The following IQGAP2 variants were observed in gnomAD, a reference collection of about 807,000 sequenced individuals.
IQGAP2 encodes ras GTPase-activating-like protein IQGAP2.
Under a neutral mutation model 201.3 loss-of-function variants are expected in IQGAP2, and 173 were observed. The observed-to-expected ratio is 0.86, with a 90% CI of 0.76 to 0.98. IQGAP2 has a LOEUF of 0.98. Among genes scored for constraint, IQGAP2 ranks in the 50% least tolerant of loss-of-function variants. The pLI, the probability that IQGAP2 is intolerant of heterozygous loss-of-function variation, is 0.00. For missense variants in IQGAP2, 1,687 were observed against 1,864.8 expected (o/e 0.90, Z 1.76); for synonymous variants, 675 against 673.9 (o/e 1.00, Z -0.03).
intron 18 of IQGAP2, 100 bp downstream of exon 18, chr5:76,652,933 GA>G (rs2150431123): frequency 1.3e-6 from 1 of 765,344 alleles, no homozygotes; most frequent in South Asian, 1.6e-5. Context: ...GGGTACATGT[GA>G]GCCTTGAAGT....
At chr5:76,429,632 ATATACATATATG>A in intron 1 of IQGAP2, among the ~76,000 whole-genome samples, 2 of 146,228 alleles carry the variant, frequency 1.4e-5, no homozygotes, top group South Asian at 2.1e-4. Flanking sequence ...AAATTTATAT[ATATACATATATG>A]TATATATATA....
chr5:76,573,777 A>ATTTT (rs59411410), intron 4 of IQGAP2, among the ~76,000 whole-genome samples: 2 of 126,154 alleles, frequency 1.6e-5, no homozygotes, highest in Non-Finnish European at 3.4e-5. Flanking sequence ...ATGCCCAGCT[A>ATTTT]TTTTTTTTTT....
Position 76,652,949 on chromosome 5 carries a change from A to G in IQGAP2, c.2178+116A>G, listed in dbSNP as rs1460674945. 6 of 693,644 alleles carry G rather than the reference A, an allele frequency of 8.6e-6. No homozygotes were observed. In the Admixed American group the frequency reaches 9.8e-5, roughly 11 times the overall value. 43.0% of individuals were successfully genotyped at this position (693,644 alleles called of 1,614,324 possible). On this transcript the variant is annotated intron_variant, in intron 18 of 35. Coordinates refer to ENST00000274364, the MANE Select transcript of IQGAP2 (RefSeq NM_006633.5). ...GGTACATGTGAGCCTTGAAGTCAGAAGGCAGTACTGGATTTGAATCCCAGT... is the reference window on the plus strand; with the variant it reads ...GGTACATGTGAGCCTTGAAGTCAGAGGGCAGTACTGGATTTGAATCCCAGT...
intron 32 of IQGAP2, 26 bp from the exon 33 acceptor site, chr5:76,697,961 A>G: frequency 1.3e-6 from 2 of 1,584,232 alleles, no homozygotes; most frequent in Non-Finnish European, 1.7e-6. Context: ...CTGCTTAAAT[A>G]TGATACCCCT....
intron 33 of IQGAP2, among the ~76,000 whole-genome samples, chr5:76,700,043 C>T (rs1383072534): frequency 6.6e-6 from 1 of 151,350 alleles, no homozygotes; most frequent in Non-Finnish European, 1.5e-5. Flanking sequence ...CTTATAATTA[C>T]ATAAACATAT....
At chr5:76,555,770 T>A (rs993987802) in intron 2 of IQGAP2, among the ~76,000 whole-genome samples, 1 of 152,056 alleles carries the variant, frequency 6.6e-6, no homozygotes, top group African/African-American at 2.4e-5. Flanking sequence ...AGGGACCCTG[T>A]CTGATGGAAG....
intron 11 of IQGAP2, 50 bp from the exon 12 acceptor site, chr5:76,606,129 C>A: frequency 6.7e-7 from 1 of 1,502,744 alleles, no homozygotes; most frequent in African/African-American, 1.4e-5. Context: ...ACAACAGGAA[C>A]GAAGAATGAA....
At chr5:76,443,581 T>C (rs762145900) in intron 1 of IQGAP2, among the ~76,000 whole-genome samples, 14 of 152,002 alleles carry the variant, frequency 9.2e-5, no homozygotes, top group Non-Finnish European at 1.8e-4. Context: ...ACCCAATCCT[T>C]GGGCAGGTTT....
chr5:76,587,779 T>TA (rs1047540896), intron 5 of IQGAP2, among the ~76,000 whole-genome samples: 13 of 149,926 alleles, frequency 8.7e-5, no homozygotes, highest in South Asian at 2.1e-4. Context: ...CCGTCTCTAC[T>TA]AAAAAAAAAT....
chr5:76,622,427 T>G (rs1278420151), intron 13 of IQGAP2, among the ~76,000 whole-genome samples: 1 of 152,218 alleles, frequency 6.6e-6, no homozygotes, highest in Non-Finnish European at 1.5e-5. Context: ...TTTCTGTTTT[T>G]GTTTCCCTTG....
rs34896356 is a variant in IQGAP2, at chr5:76,681,089, CAAAAAAAAAAAAA to C, written c.3661-2011_3661-1999del. On this transcript the variant is annotated intron_variant, in intron 28 of 35. Coordinates refer to ENST00000274364, the MANE Select transcript of IQGAP2 (RefSeq NM_006633.5). ...TGGGCAGCAGAGCGAGACTTTGTCT[CAAAAAAAAAAAAA>C]AAAAAAAAAAAAAACTTGAGAAAAC... is the stretch of plus-strand genomic sequence containing the variant. Among the ~76,000 whole-genome samples, 468 of 53,080 alleles carry C rather than the reference CAAAAAAAAAAAAA, an allele frequency of 8.8e-3. 4 individuals carry two copies. The highest frequency in any genetic ancestry group is 0.035 in the African/African-American group (437 of 12,390). 34.8% of individuals were successfully genotyped at this position (53,080 alleles called of 152,430 possible).
intron 2 of IQGAP2, among the ~76,000 whole-genome samples, chr5:76,524,101 TAGG>T (rs1460886993): frequency 6.6e-6 from 1 of 152,170 alleles, no homozygotes; most frequent in Non-Finnish European, 1.5e-5. Context: ...CACTCTCTGT[TAGG>T]AGAAGGCCCC....
chr5:76,482,694 C>A (rs1161416707), intron 2 of IQGAP2, among the ~76,000 whole-genome samples: 1 of 152,208 alleles, frequency 6.6e-6, no homozygotes, highest in South Asian at 2.1e-4. Flanking sequence ...TTGTGTACAG[C>A]TGCAGAAACA....
intron 2 of IQGAP2, among the ~76,000 whole-genome samples, chr5:76,526,229 C>A (rs1470793600): frequency 6.6e-6 from 1 of 152,172 alleles, no homozygotes; most frequent in Admixed American, 6.5e-5. Context: ...GAAGATCATG[C>A]CTAGCCTCAC....
intron 18 of IQGAP2, 76 bp downstream of exon 18, chr5:76,652,909 G>A (rs1752632763): frequency 3.1e-6 from 3 of 960,140 alleles, no homozygotes; most frequent in Non-Finnish European, 5.1e-6. Flanking sequence ...CTGAAAGACA[G>A]CTATAGAAAG....
chr5:76,503,900 ACTTTTC>A (rs1394095305), intron 2 of IQGAP2, among the ~76,000 whole-genome samples: 1 of 152,132 alleles, frequency 6.6e-6, no homozygotes, highest in East Asian at 1.9e-4. Flanking sequence ...ACCTCAGCTT[ACTTTTC>A]TTTTAGGCCA....
At chr5:76,692,457 T>C (rs1432546226) in intron 30 of IQGAP2, among the ~76,000 whole-genome samples, 1 of 152,182 alleles carries the variant, frequency 6.6e-6, no homozygotes, top group Non-Finnish European at 1.5e-5. Flanking sequence ...TGGCCCTTTT[T>C]TTTCTTTTTA....
intron 1 of IQGAP2, among the ~76,000 whole-genome samples, chr5:76,459,669 C>T (rs1754313989): frequency 1.3e-5 from 2 of 152,056 alleles, no homozygotes; most frequent in Admixed American, 6.6e-5. Flanking sequence ...GACAGAGTCT[C>T]ATACTGTCAC....
At chr5:76,618,596 A>G (rs1181839363) in intron 13 of IQGAP2, 2 of 1,613,990 alleles carry the variant, frequency 1.2e-6, no homozygotes, top group Non-Finnish European at 1.7e-6. Flanking sequence ...GAAAGGTCTT[A>G]ATGGGTAAGG....
Sources: allele counts gnomAD v4.1 joint callset (sites outside exome capture counted in the v4.1 genomes callset), GRCh38; gene constraint gnomAD v4.1.1; transcripts MANE v1.5; gene names NCBI Gene and HGNC (gene_info 2026-07-23, HGNC 2026-07-21).